Variants in TMEM132B observed in about 807,000 individuals in gnomAD.
The protein encoded by TMEM132B is transmembrane protein 132B.
Under a neutral mutation model 90.8 loss-of-function variants are expected in TMEM132B, and 18 were observed. The ratio of observed to expected loss-of-function variants is 0.20; its 90% CI spans 0.14 to 0.29. The LOEUF (loss-of-function observed/expected upper bound fraction) is 0.29. Ranked by LOEUF, TMEM132B falls within the 10% of genes least tolerant of loss-of-function variation. TMEM132B has a pLI of 1.00. For missense variants in TMEM132B, 1,096 were observed against 1,326.8 expected (o/e 0.83, Z 2.70); for synonymous variants, 504 against 523.3 (o/e 0.96, Z 0.50).
rs912015152 is a variant in TMEM132B at position 125,456,132 on chromosome 12, C to T, written c.1106+40455C>T. Among the ~76,000 whole-genome samples the T allele has an allele frequency of 2.6e-5, 4 of 152,166 alleles. No individual in the cohort carries two copies. The East Asian group carries it at 7.7e-4, about 29-fold the overall frequency. On this transcript the variant is annotated intron_variant, in intron 3 of 8. Coordinates refer to ENST00000682704, the MANE Select transcript of TMEM132B (RefSeq NM_001366854.1). ...TGACCCTTAGAGTGGAGCACCCATC[C>T]AATTCCCGCTGGACATGTATCAGCA... is the stretch of plus-strand genomic sequence containing the variant.
intron 3 of TMEM132B, among the ~76,000 whole-genome samples, chr12:125,436,098 G>A (rs1307640802): frequency 1.3e-5 from 2 of 152,132 alleles, no homozygotes; most frequent in African/African-American, 4.8e-5. Context: ...CTTTCCATCT[G>A]GTCCCTGTGC....
In TMEM132B at chr12:125,406,890, C is replaced by A. The variant is rs867568754; in HGVS notation, c.960-8641C>A. On this transcript the variant is annotated intron_variant, in intron 2 of 8. Transcript: ENST00000682704. The surrounding 1 kb of genome is among the most constrained non-coding windows in gnomAD (Gnocchi z 8.3). ...GTGAAAGGATACAAACTGAGTTCAG[C>A]CAAGGGAAGAGGTGCATAGAGTAGG... Among the ~76,000 whole-genome samples the A allele has an allele frequency of 6.6e-6, 1 of 152,178 alleles. No individual in the cohort carries two copies. Among genetic ancestry groups the A allele is most frequent in the African/African-American group, 2.4e-5 (1 of 41,436 alleles).
At chr12:125,533,765 T>C (rs1261282900) in intron 4 of TMEM132B, among the ~76,000 whole-genome samples, 1 of 152,218 alleles carries the variant, frequency 6.6e-6, no homozygotes, top group African/African-American at 2.4e-5. Flanking sequence ...TTTCCCTGAG[T>C]GTGAGCAAAT....
chr12:125,552,552 A>T (rs1884256985), intron 4 of TMEM132B, among the ~76,000 whole-genome samples: 1 of 152,110 alleles, frequency 6.6e-6, no homozygotes, highest in Admixed American at 6.5e-5. Flanking sequence ...AAGAAACCCA[A>T]AAGTCGCCTT....
chr12:125,508,891 C>T (rs1167038041), intron 3 of TMEM132B, among the ~76,000 whole-genome samples: 2 of 150,626 alleles, frequency 1.3e-5, no homozygotes, highest in East Asian at 2.0e-4. Flanking sequence ...TCAAGTGATT[C>T]TCCTGCCTCA....
At chr12:125,218,022 G>A (rs1472205926) in intron 1 of TMEM132B, among the ~76,000 whole-genome samples, 1 of 152,224 alleles carries the variant, frequency 6.6e-6, no homozygotes, top group Non-Finnish European at 1.5e-5. Context: ...TAAGGGAGAT[G>A]GAACTGTAAG....
chr12:125,646,899 T>C (rs1886777086), intron 6 of TMEM132B, among the ~76,000 whole-genome samples: 1 of 152,076 alleles, frequency 6.6e-6, no homozygotes, highest in Non-Finnish European at 1.5e-5. Flanking sequence ...TGTTAGAATA[T>C]CTGACAAGGA....
chr12:125,377,181 T>C (rs150798379), intron 2 of TMEM132B, among the ~76,000 whole-genome samples: 1 of 152,192 alleles, frequency 6.6e-6, no homozygotes, highest in Non-Finnish European at 1.5e-5. Flanking sequence ...GTGGGGAACA[T>C]GTGGTTACTG....
chr12:125,633,065 A>G (rs1438646389), intron 5 of TMEM132B, among the ~76,000 whole-genome samples: 2 of 152,034 alleles, frequency 1.3e-5, no homozygotes, highest in African/African-American at 4.8e-5. Context: ...TAGGTGTGCT[A>G]CAAGAAAATA....
chr12:125,489,563 A>C (rs1434558707), intron 3 of TMEM132B, among the ~76,000 whole-genome samples: 1 of 151,942 alleles, frequency 6.6e-6, no homozygotes, highest in East Asian at 1.9e-4. Context: ...TATGCCACCA[A>C]ACCCAGCTAA....
At chr12:125,552,585 C>T (rs1280794218) in intron 4 of TMEM132B, among the ~76,000 whole-genome samples, 1 of 152,172 alleles carries the variant, frequency 6.6e-6, no homozygotes, top group Non-Finnish European at 1.5e-5. Context: ...TCATCACACT[C>T]CCGGGCCCCT....
intron 4 of TMEM132B, among the ~76,000 whole-genome samples, chr12:125,569,565 A>G (rs1884741568): frequency 6.6e-6 from 1 of 152,178 alleles, no homozygotes; most frequent in African/African-American, 2.4e-5. Context: ...GGGACTTAGG[A>G]TGCAGGGGAC....
chr12:125,338,225 G>C (rs1311668332), intron 1 of TMEM132B, among the ~76,000 whole-genome samples: 1 of 152,142 alleles, frequency 6.6e-6, no homozygotes, highest in African/African-American at 2.4e-5. Context: ...CAGAAGCCCT[G>C]GCCACAGTGG....
At chr12:125,225,293 GC>G (rs1873653173) in intron 1 of TMEM132B, among the ~76,000 whole-genome samples, 1 of 152,198 alleles carries the variant, frequency 6.6e-6, no homozygotes, top group African/African-American at 2.4e-5. Context: ...AGGACCAGCC[GC>G]ACCATTTGTA....
intron 1 of TMEM132B, among the ~76,000 whole-genome samples, chr12:125,322,073 T>C (rs571789971): frequency 6.6e-6 from 1 of 152,212 alleles, no homozygotes; most frequent in Non-Finnish European, 1.5e-5. Flanking sequence ...TGTGTTGATA[T>C]GGTTTGTCTG....
chr12:125,658,949 C>T lies in TMEM132B; in HGVS notation c.*4239C>T, dbSNP rs535156939. 7 of 152,012 alleles carry T rather than the reference C, an allele frequency of 4.6e-5. No individual in the cohort carries two copies. The highest frequency in any genetic ancestry group is 7.4e-5 in the Non-Finnish European group (5 of 67,994). 9.4% of individuals were successfully genotyped at this position (152,012 alleles called of 1,614,324 possible). ...CTTTTCTTTTTTTCTGGAAATATTT[C>T]GGAAATAAAGTGACTTCATTTTTCA... On this transcript the variant is annotated 3_prime_UTR_variant, in exon 9 of 9. Coordinates refer to ENST00000682704, the MANE Select transcript of TMEM132B (RefSeq NM_001366854.1).
chr12:125,485,989 A>G (rs149693120), intron 3 of TMEM132B, among the ~76,000 whole-genome samples: 62 of 152,326 alleles, frequency 4.1e-4, no homozygotes, highest in African/African-American at 1.4e-3. Flanking sequence ...GCCTGAGACC[A>G]AGAAAATAAT....
At chr12:125,478,732 C>A (rs1212930749) in intron 3 of TMEM132B, among the ~76,000 whole-genome samples, 2 of 152,084 alleles carry the variant, frequency 1.3e-5, no homozygotes, top group African/African-American at 2.4e-5. Context: ...CAAGGCAGGC[C>A]AACATTCAAA....
intron 2 of TMEM132B, among the ~76,000 whole-genome samples, chr12:125,351,949 C>T (rs1877599299): frequency 6.6e-6 from 1 of 152,224 alleles, no homozygotes. Context: ...GGAGAAAATT[C>T]TTTCTCCCAC....
Sources: gnomAD v4.1 joint callset for allele counts (sites outside exome capture counted in the v4.1 genomes callset) on GRCh38, gnomAD v4.1.1 for gene constraint, Gnocchi (gnomAD v3.1) non-coding constraint, MANE v1.5 for transcripts, NCBI Gene and HGNC (gene_info 2026-07-23, HGNC 2026-07-21) for gene names.